Variants in SYT16 observed in about 807,000 individuals in gnomAD.
SYT16 encodes the protein synaptotagmin 16.
SYT16 carries 42 observed loss-of-function variants against 61.4 expected under a neutral mutation model. The ratio of observed to expected loss-of-function variants is 0.68; its 90% confidence interval spans 0.53 to 0.89. The LOEUF (loss-of-function observed/expected upper bound fraction) is 0.89. Among genes scored for constraint, SYT16 ranks in the 40% least tolerant of loss-of-function variants. The probability of loss-of-function intolerance (pLI) is 0.00; values close to 1 mark genes in which losing one functional copy is unlikely to be tolerated. For missense variants in SYT16, 804 were observed against 807.3 expected (o/e 1.00, Z 0.05); for synonymous variants, 314 against 302.3 (o/e 1.04, Z -0.40).
In SYT16 at chr14:61,847,999, T is replaced by G. The variant is rs137941824; in HGVS notation, c.-325+35189T>G. ...TTTCATCGAGTTTCCTCAAAACAGC[T>G]ATTGGATTTTCTGTCTGAAAGGTTA... is the stretch of plus-strand genomic sequence containing the variant. On this transcript the variant is annotated intron_variant, in intron 1 of 7. Transcript: ENST00000683842. 8.9e-3 allele frequency among the ~76,000 whole-genome samples: 1,362 copies of G among 152,338 alleles called. 10 individuals carry two copies. The highest frequency in any genetic ancestry group is 0.013 in the Non-Finnish European group (918 of 68,036).
intron 2 of SYT16, among the ~76,000 whole-genome samples, chr14:61,981,427 C>T (rs952662874): frequency 6.6e-6 from 1 of 152,000 alleles, no homozygotes; most frequent in East Asian, 1.9e-4. Flanking sequence ...AAAAGAAAAT[C>T]TTCACTAAAA....
At chr14:62,038,618 C>G (rs1216415351) in intron 3 of SYT16, among the ~76,000 whole-genome samples, 8 of 152,100 alleles carry the variant, frequency 5.3e-5, no homozygotes, top group Non-Finnish European at 7.4e-5. Context: ...TGTTTTGTGT[C>G]ATTTTGGTTT....
chr14:61,931,999 C>G (rs1277394910), intron 1 of SYT16, among the ~76,000 whole-genome samples: 1 of 152,184 alleles, frequency 6.6e-6, no homozygotes, highest in African/African-American at 2.4e-5. Context: ...GACCTTCCTG[C>G]TCTTGGATCT....
At chr14:61,855,651 C>T (rs576943138) in intron 1 of SYT16, among the ~76,000 whole-genome samples, 42 of 152,182 alleles carry the variant, frequency 2.8e-4, no homozygotes, top group Admixed American at 7.2e-4. Context: ...TTGAGTTGAA[C>T]CATCCTAAGT....
At chr14:61,927,123 T>G (rs183716863) in intron 1 of SYT16, among the ~76,000 whole-genome samples, 79 of 152,342 alleles carry the variant, frequency 5.2e-4, no homozygotes, top group Admixed American at 1.9e-3. Flanking sequence ...AGCTATTGCC[T>G]CTGGCTTCAC....
intron 1 of SYT16, among the ~76,000 whole-genome samples, chr14:61,906,369 A>G (rs542852547): frequency 6.6e-6 from 1 of 152,250 alleles, no homozygotes; most frequent in South Asian, 2.1e-4. Context: ...TGTAGCCTCG[A>G]ATGCCTGGGT....
At chr14:61,863,375 A>G (rs1418802510) in intron 1 of SYT16, among the ~76,000 whole-genome samples, 1 of 152,200 alleles carries the variant, frequency 6.6e-6, no homozygotes, top group Admixed American at 6.5e-5. Context: ...AATCTGGAAC[A>G]TCTTTTTACA....
At chr14:62,022,992 C>T (rs1009504927) in intron 3 of SYT16, among the ~76,000 whole-genome samples, 1 of 152,124 alleles carries the variant, frequency 6.6e-6, no homozygotes, top group Non-Finnish European at 1.5e-5. Context: ...AAGTCCTTGT[C>T]TGATAACTTC....
At chr14:61,901,958 C>T (rs552352109) in intron 1 of SYT16, among the ~76,000 whole-genome samples, 88 of 152,004 alleles carry the variant, frequency 5.8e-4, no homozygotes, top group Non-Finnish European at 1.0e-3. Context: ...GACAAGGTTT[C>T]GCTATGTTGG....
chr14:62,018,298 C>CTTTTTTTTTTT lies in SYT16; in HGVS notation c.523+21774_523+21784dup, dbSNP rs776473522. On this transcript the variant is annotated intron_variant, in intron 3 of 7. Coordinates refer to ENST00000683842, the MANE Select transcript of SYT16 (RefSeq NM_001367656.1). ...GGGTCTTTCTCTTCTTCTTCTTCTT[C>CTTTTTTTTTTT]TTTTTTTTTTTTTTTTTTTTTTTTT... Among the ~76,000 whole-genome samples the CTTTTTTTTTTT allele has an allele frequency of 4.3e-4, 22 of 51,642 alleles. 2 individuals carry two copies. The highest frequency in any genetic ancestry group is 5.0e-4 in the African/African-American group (6 of 11,984). The allele number at this position is 51,642 out of a possible 152,430, so 33.9% of individuals were successfully genotyped here. A position where few individuals can be genotyped will look rare whatever the true frequency, so the allele number is the denominator to read the frequency against.
chr14:61,869,390 AG>A (rs1283359410), intron 1 of SYT16, among the ~76,000 whole-genome samples: 1 of 151,972 alleles, frequency 6.6e-6, no homozygotes, highest in Non-Finnish European at 1.5e-5. Flanking sequence ...ATTATATTTT[AG>A]GTTTTTTTGG....
chr14:62,016,539 CAAAAAAAAAAA>C (rs10610233), intron 3 of SYT16, among the ~76,000 whole-genome samples: 2 of 97,298 alleles, frequency 2.1e-5, no homozygotes, highest in Non-Finnish European at 4.2e-5. Flanking sequence ...TCTAAAAATA[CAAAAAAAAAAA>C]AAAAAAAAAA....
At chr14:61,926,786 C>T (rs1385706902) in intron 1 of SYT16, among the ~76,000 whole-genome samples, 1 of 152,050 alleles carries the variant, frequency 6.6e-6, no homozygotes, top group Non-Finnish European at 1.5e-5. Flanking sequence ...TGGCCCCTCC[C>T]CCTCACCCCC....
intron 1 of SYT16, among the ~76,000 whole-genome samples, chr14:61,852,878 A>G (rs1053040641): frequency 2.6e-5 from 4 of 152,180 alleles, no homozygotes; most frequent in African/African-American, 9.7e-5. Flanking sequence ...GTAAACACAG[A>G]GGTTTATTGC....
At chr14:61,918,351 G>T (rs2049198402) in intron 1 of SYT16, among the ~76,000 whole-genome samples, 2 of 152,220 alleles carry the variant, frequency 1.3e-5, no homozygotes, top group East Asian at 1.9e-4. Context: ...CATCCATGGG[G>T]CTAGGAGCCA....
At chr14:61,833,361 C>G (rs1289114875) in intron 1 of SYT16, among the ~76,000 whole-genome samples, 1 of 149,916 alleles carries the variant, frequency 6.7e-6, no homozygotes, top group Non-Finnish European at 1.5e-5. Flanking sequence ...GGCTCGATCT[C>G]AGCTCACTGC....
chr14:61,958,482 A>G (rs1882136101), intron 1 of SYT16, among the ~76,000 whole-genome samples: 1 of 151,884 alleles, frequency 6.6e-6, no homozygotes, highest in Non-Finnish European at 1.5e-5. Context: ...TTGTGTCTTG[A>G]TAAATATTAA....
chr14:61,909,742 C>T (rs140861908), intron 1 of SYT16, among the ~76,000 whole-genome samples: 119 of 152,330 alleles, frequency 7.8e-4, no homozygotes, highest in African/African-American at 2.7e-3. Context: ...AAACTGGAAG[C>T]AAATTGTATG....
chr14:62,016,585 T>C (rs926804360), intron 3 of SYT16, among the ~76,000 whole-genome samples: 12 of 144,998 alleles, frequency 8.3e-5, no homozygotes, highest in East Asian at 2.0e-4. Flanking sequence ...TGGTGGCGGG[T>C]GCCTGTAGTC....
Sources: allele counts gnomAD v4.1 joint callset (sites outside exome capture counted in the v4.1 genomes callset), GRCh38; gene constraint gnomAD v4.1.1; transcripts MANE v1.5; gene names NCBI Gene and HGNC (gene_info 2026-07-23, HGNC 2026-07-21).